GALNTL6: variants seen among roughly 807,000 people sequenced by gnomAD.
GALNTL6 encodes the protein polypeptide N-acetylgalactosaminyltransferase-like 6.
GALNTL6 carries 46 observed loss-of-function variants against 73.7 expected under a neutral mutation model. The observed-to-expected ratio is 0.62, with a 90% CI of 0.49 to 0.80. GALNTL6 has a LOEUF of 0.80. GALNTL6 is among the 30% of genes least tolerant of loss of function. The probability of loss-of-function intolerance (pLI) is 0.00; values close to 1 mark genes in which losing one functional copy is unlikely to be tolerated. For missense variants in GALNTL6, 604 were observed against 755.0 expected (o/e 0.80, Z 2.34); for synonymous variants, 259 against 263.7 (o/e 0.98, Z 0.17).
intron 2 of GALNTL6, among the ~76,000 whole-genome samples, chr4:172,088,230 C>G (rs1732103627): frequency 6.6e-6 from 1 of 151,864 alleles, no homozygotes; most frequent in African/African-American, 2.4e-5. Context: ...TTACTTTTTC[C>G]CAAAGAATAT....
chr4:172,521,034 T>C (rs1317894100), intron 5 of GALNTL6, among the ~76,000 whole-genome samples: 4 of 152,062 alleles, frequency 2.6e-5, no homozygotes, highest in African/African-American at 9.6e-5. Context: ...AGTGAAAAGA[T>C]GTTTTCTTTA....
intron 10 of GALNTL6, among the ~76,000 whole-genome samples, chr4:172,977,474 T>C (rs528950998): frequency 6.6e-6 from 1 of 152,358 alleles, no homozygotes; most frequent in East Asian, 1.9e-4. Flanking sequence ...TTGTTGGCTG[T>C]TGTGAGACCT....
At chr4:172,527,337 A>G (rs758725776) in intron 5 of GALNTL6, among the ~76,000 whole-genome samples, 4 of 152,196 alleles carry the variant, frequency 2.6e-5, no homozygotes, top group Non-Finnish European at 5.9e-5. Flanking sequence ...TTACAGAGAA[A>G]AGAGAATTGC....
At chr4:172,591,068 A>C (rs1392116819) in intron 5 of GALNTL6, among the ~76,000 whole-genome samples, 1 of 152,214 alleles carries the variant, frequency 6.6e-6, no homozygotes, top group African/African-American at 2.4e-5. Context: ...GATTTTAAAA[A>C]AGATAGTTTC....
chr4:172,212,761 G>A (rs1461451555), intron 2 of GALNTL6, among the ~76,000 whole-genome samples: 6 of 151,562 alleles, frequency 4.0e-5, no homozygotes, highest in South Asian at 2.1e-4. Flanking sequence ...TCTGGCCCCC[G>A]GGTTCAAGCG....
At chr4:172,647,169 T>A (rs1339805263) in intron 5 of GALNTL6, among the ~76,000 whole-genome samples, 2 of 152,088 alleles carry the variant, frequency 1.3e-5, no homozygotes, top group African/African-American at 4.8e-5. Flanking sequence ...TATTGTCAGT[T>A]AAGCCCATCC....
At chr4:172,103,906 C>A (rs1401430653) in intron 2 of GALNTL6, among the ~76,000 whole-genome samples, 1 of 151,224 alleles carries the variant, frequency 6.6e-6, no homozygotes, top group East Asian at 1.9e-4. Flanking sequence ...TGGGGCTACA[C>A]CAAAAACTAG....
intron 5 of GALNTL6, among the ~76,000 whole-genome samples, chr4:172,528,034 TATTA>T (rs1016065855): frequency 6.6e-6 from 1 of 151,718 alleles, no homozygotes; most frequent in African/African-American, 2.4e-5. Context: ...AAATTGTACT[TATTA>T]ATTAAAGAAT....
intron 5 of GALNTL6, among the ~76,000 whole-genome samples, chr4:172,599,654 A>G (rs1266406511): frequency 6.6e-6 from 1 of 152,162 alleles, no homozygotes; most frequent in Non-Finnish European, 1.5e-5. Context: ...TGGCAGTTAT[A>G]TATTGTGCCA....
chr4:171,975,052 G>A (rs1161721038), intron 2 of GALNTL6, among the ~76,000 whole-genome samples: 3 of 152,162 alleles, frequency 2.0e-5, no homozygotes, highest in African/African-American at 4.8e-5. Context: ...CAAACACCGA[G>A]TGGGAAATGC....
At position 171,845,778 on chromosome 4, in the gene GALNTL6, G is replaced by GA. The variant is rs528629054; in HGVS notation, c.138+31068dup. 5.1e-4 allele frequency among the ~76,000 whole-genome samples: 78 copies of GA among 151,810 alleles called. No individual in the cohort carries two copies. The East Asian group carries it at 0.011, about 22-fold the overall frequency. ...TGCTTTGAAATGTTATGTTAATAAG[G>GA]AAAAAAAATCACTTGTATTCATTAA... On this transcript the variant is annotated intron_variant, in intron 2 of 12. Transcript: ENST00000506823.
intron 2 of GALNTL6, among the ~76,000 whole-genome samples, chr4:171,948,666 T>A (rs333005): frequency 0.43 from 65,843 of 151,962 alleles, 16,054 homozygotes; most frequent in Admixed American, 0.56. Context: ...CAATTTATGC[T>A]GTTTAAGCTA....
chr4:172,643,368 T>C (rs1560853189), intron 5 of GALNTL6, among the ~76,000 whole-genome samples: 1 of 151,932 alleles, frequency 6.6e-6, no homozygotes, highest in African/African-American at 2.4e-5. Context: ...AAATTGAATG[T>C]GGTACCTCAG....
chr4:171,856,239 G>T (rs1040309427), intron 2 of GALNTL6, among the ~76,000 whole-genome samples: 1 of 151,068 alleles, frequency 6.6e-6, no homozygotes, highest in African/African-American at 2.4e-5. Flanking sequence ...AATAGCTGGG[G>T]TTACAGGTGC....
intron 5 of GALNTL6, among the ~76,000 whole-genome samples, chr4:172,554,979 C>T (rs912380756): frequency 2.6e-5 from 4 of 152,128 alleles, no homozygotes; most frequent in Non-Finnish European, 5.9e-5. Flanking sequence ...AAATAGGTGT[C>T]GCAATTTACA....
At chr4:172,760,403 G>T (rs1738014971) in intron 5 of GALNTL6, among the ~76,000 whole-genome samples, 1 of 152,070 alleles carries the variant, frequency 6.6e-6, no homozygotes, top group Non-Finnish European at 1.5e-5. Flanking sequence ...TTTAGTTAAT[G>T]GTCATAATTA....
intron 5 of GALNTL6, among the ~76,000 whole-genome samples, chr4:172,690,191 G>A (rs559910471): frequency 1.2e-4 from 18 of 152,220 alleles, no homozygotes; most frequent in African/African-American, 4.3e-4. Context: ...TTTTTTCTGA[G>A]GAAGAATGTC....
chr4:171,921,932 A>T lies in GALNTL6; in HGVS notation c.138+107214A>T, dbSNP rs567887029. On this transcript the variant is annotated intron_variant, in intron 2 of 12. Transcript: ENST00000506823. ...AAAATAAAATATATATTATGTTATG[A>T]TTATTTTTCTTCAAAGAAAAGCTGG... 7.9e-5 allele frequency among the ~76,000 whole-genome samples: 12 copies of T among 152,192 alleles called. No homozygotes were observed. The South Asian group carries it at 2.5e-3, about 32-fold the overall frequency.
intron 2 of GALNTL6, among the ~76,000 whole-genome samples, chr4:172,081,908 GCT>G (rs1448881967): frequency 5.4e-5 from 8 of 147,782 alleles, no homozygotes; most frequent in African/African-American, 2.0e-4. Context: ...ACAGAGTCTC[GCT>G]CTGTCACTGA....
Sources: gnomAD v4.1 joint callset for allele counts (sites outside exome capture counted in the v4.1 genomes callset) on GRCh38, gnomAD v4.1.1 for gene constraint, MANE v1.5 for transcripts, NCBI Gene and HGNC (gene_info 2026-07-23, HGNC 2026-07-21) for gene names.